The following TEX10 variants were observed in gnomAD, a reference collection of about 807,000 sequenced individuals.
The protein encoded by TEX10 is testis-expressed protein 10.
Under a neutral mutation model 104.4 loss-of-function variants are expected in TEX10, and 24 were observed. That is an observed-to-expected ratio of 0.23 (90% CI 0.17 to 0.32). The LOEUF is 0.32. Among genes scored for constraint, TEX10 ranks in the 10% least tolerant of loss-of-function variants. TEX10 has a pLI of 1.00. For synonymous variants in TEX10, 396 were observed against 393.4 expected, an observed-to-expected ratio of 1.01 and a Z score of -0.08; for missense variants, 921 against 1,083.9, an observed-to-expected ratio of 0.85 and a Z score of 2.11.
intron 8 of TEX10, among the ~76,000 whole-genome samples, chr9:100,327,036 C>A (rs948822382): frequency 6.6e-6 from 1 of 152,106 alleles, no homozygotes; most frequent in Admixed American, 6.6e-5. Flanking sequence ...TGTTACAACA[C>A]GGACAAATCT....
chr9:100,345,780 C>T (rs945017700), intron 4 of TEX10, among the ~76,000 whole-genome samples: 1 of 152,132 alleles, frequency 6.6e-6, no homozygotes, highest in South Asian at 2.1e-4. Flanking sequence ...CACAATCAAT[C>T]TGCCATAAAC....
At chr9:100,341,516 ATC>A (rs1257478632) in intron 4 of TEX10, among the ~76,000 whole-genome samples, 3 of 151,910 alleles carry the variant, frequency 2.0e-5, no homozygotes, top group African/African-American at 7.3e-5. Context: ...CACTGGCATC[ATC>A]CTTGACTCCT....
At chr9:100,341,517 T>A (rs62578359) in intron 4 of TEX10, among the ~76,000 whole-genome samples, 4 of 48,738 alleles carry the variant, frequency 8.2e-5, no homozygotes, top group East Asian at 0.013. Context: ...ACTGGCATCA[T>A]CCTTGACTCC....
At chr9:100,347,431 GATGT>G (rs767305741) in intron 2 of TEX10, 25 bp from the exon 3 acceptor site, 1 of 1,512,658 alleles carries the variant, frequency 6.6e-7, no homozygotes, top group South Asian at 1.3e-5. Context: ...ACAAATTTTA[GATGT>G]ATACTTATAT....
At position 100,316,511 on chromosome 9, in the gene TEX10, C is replaced by T. The variant is rs147993481; in HGVS notation, c.2202+3754G>A. 3.6e-3 allele frequency among the ~76,000 whole-genome samples: 550 copies of T among 152,112 alleles called. 3 individuals carry two copies. Among genetic ancestry groups the T allele is most frequent in the African/African-American group, 0.012 (515 of 41,476 alleles). ...TTTCATCATCCTATTCAACATAGTACGGGACGTCCTAGCCAGAGCAATCAG... is the reference window on the plus strand; with the variant it reads ...TTTCATCATCCTATTCAACATAGTATGGGACGTCCTAGCCAGAGCAATCAG... On this transcript the variant is annotated intron_variant, in intron 11 of 14. Transcript: ENST00000374902.
chr9:100,327,959 A>G lies in TEX10; in HGVS notation c.1629T>C (p.Tyr543=), dbSNP rs752124600. Residue 543 remains tyrosine (Y), a synonymous_variant, in exon 8 of 15, where the codon TAT becomes TAC. Transcript: ENST00000374902. The part of the protein sequence containing the change: ...TEELRSCRFR[Y]RSKVLSRWLA... ...GCCAACGGGATAACACTTTACTACG[A>G]TATCTTAGAAAGGCCAAAGAAGAAT... 10 of 1,548,664 alleles carry G rather than the reference A, an allele frequency of 6.5e-6. No individual in the cohort carries two copies. The highest frequency in any genetic ancestry group is 1.7e-5 in the Admixed American group (1 of 58,062).
chr9:100,342,567 ATTAAT>A (rs1835200429), intron 4 of TEX10, among the ~76,000 whole-genome samples: 2 of 152,226 alleles, frequency 1.3e-5, no homozygotes. Context: ...TTAAATTTTA[ATTAAT>A]TTAAGTAGCC....
intron 5 of TEX10, among the ~76,000 whole-genome samples, chr9:100,336,035 C>T (rs781412964): frequency 6.6e-5 from 10 of 151,636 alleles, no homozygotes; most frequent in African/African-American, 1.5e-4. Context: ...GGCATAGTGG[C>T]ACATGCCTAT....
Position 100,303,702 on chromosome 9 carries a change from T to C in TEX10, c.2606A>G (p.Gln869Arg). 6.2e-7 allele frequency: 1 copy of C among 1,614,132 alleles called. No homozygotes were observed. ...VVGQLLRLLL[Q>R]HAPLRTHMLT... Reference sequence around the variant, plus strand: ...CATATGAGTCCTGAGGGGTGCATGCTGAAGCAGCAGTCGAAGCAGCTGGCC... The same window carrying C: ...CATATGAGTCCTGAGGGGTGCATGCCGAAGCAGCAGTCGAAGCAGCTGGCC... Residue 869 changes from glutamine to arginine, a missense_variant, in exon 14 of 15, where the codon CAG (glutamine) becomes CGG (arginine). Gln to Arg is a conservative substitution (Grantham distance 43). Coordinates refer to ENST00000374902, the MANE Select transcript of TEX10 (RefSeq NM_017746.4).
chr9:100,303,560 T>G (rs779862335), intron 14 of TEX10, 72 bp downstream of exon 14: 16 of 1,508,850 alleles, frequency 1.1e-5, no homozygotes, highest in Non-Finnish European at 1.4e-5. Flanking sequence ...CAAAACACAC[T>G]TTCCCCCATG....
chr9:100,315,583 A>T (rs1834395534), intron 11 of TEX10, among the ~76,000 whole-genome samples: 1 of 152,192 alleles, frequency 6.6e-6, no homozygotes, highest in Admixed American at 6.5e-5. Flanking sequence ...TACCTGTAAA[A>T]GTATAGCTAC....
At chr9:100,304,082 C>T in intron 13 of TEX10, 1 of 550,356 alleles carries the variant, frequency 1.8e-6, no homozygotes, top group Non-Finnish European at 3.3e-6. Context: ...CAGAACACTG[C>T]TGAGAGAAAT....
At position 100,334,461 on chromosome 9, in the gene TEX10, C is replaced by T. The variant is rs189420635; in HGVS notation, c.1251-4292G>A. Among the ~76,000 whole-genome samples, 59 of 151,890 alleles carry T rather than the reference C, an allele frequency of 3.9e-4. No individual in the cohort carries two copies. The East Asian group carries it at 0.011, about 27-fold the overall frequency. Reference sequence around the variant, plus strand: ...ACATTTTTATGGGGGGAGAAAAAAACGAACTAAAGAAGACTCTAAATGATC... The same window carrying T: ...ACATTTTTATGGGGGGAGAAAAAAATGAACTAAAGAAGACTCTAAATGATC... On this transcript the variant is annotated intron_variant, in intron 5 of 14. Coordinates refer to ENST00000374902, the MANE Select transcript of TEX10 (RefSeq NM_017746.4).
chr9:100,308,751 T>G, intron 12 of TEX10, 70 bp from the exon 13 acceptor site: 1 of 1,347,860 alleles, frequency 7.4e-7, no homozygotes, highest in Non-Finnish European at 9.8e-7. Flanking sequence ...AACCAAAACC[T>G]GTTAATTCAC....
In TEX10 at chr9:100,308,515, T is replaced by C; in HGVS notation, c.2450A>G (p.Glu817Gly). 6.3e-7 allele frequency: 1 copy of C among 1,588,382 alleles called. No individual in the cohort carries two copies. The highest frequency in any genetic ancestry group is 8.5e-7 in the Non-Finnish European group (1 of 1,172,256). Reference sequence around the variant, plus strand: ...AAATAATTACCTCTTTCTTAGATGTTCTGCTTCCCCTTTCTCTATAGTGAG... The same window carrying C: ...AAATAATTACCTCTTTCTTAGATGTCCTGCTTCCCCTTTCTCTATAGTGAG... ...FLLTIEKGEA[E>G]HLRKRDKLWG... The change falls in exon 13 of 15, where the codon GAA becomes GGA. Residue 817 changes from glutamate (E) to glycine (G), a missense_variant. Coordinates refer to ENST00000374902, the MANE Select transcript of TEX10 (RefSeq NM_017746.4).
At chr9:100,319,912 C>A (rs1650737608) in intron 11 of TEX10, among the ~76,000 whole-genome samples, 3 of 152,156 alleles carry the variant, frequency 2.0e-5, no homozygotes, top group Admixed American at 6.5e-5. Flanking sequence ...CATAGTAATT[C>A]TTAAAACCAA....
chr9:100,307,126 A>T (rs1285553717), intron 13 of TEX10: 2 of 152,188 alleles, frequency 1.3e-5, no homozygotes, highest in Non-Finnish European at 1.5e-5. Flanking sequence ...GAAATACACA[A>T]TTTTTTTCTA....
At chr9:100,333,758 T>C (rs1265782690) in intron 5 of TEX10, among the ~76,000 whole-genome samples, 2 of 151,906 alleles carry the variant, frequency 1.3e-5, no homozygotes, top group African/African-American at 2.4e-5. Flanking sequence ...TAAGATGGTA[T>C]TGGTGAAACA....
chr9:100,342,933 G>A (rs2118923726), intron 4 of TEX10, among the ~76,000 whole-genome samples: 1 of 152,056 alleles, frequency 6.6e-6, no homozygotes, highest in South Asian at 2.1e-4. Context: ...AGATCACGAG[G>A]TCAGGAGATC....
Sources: gnomAD v4.1 joint callset for allele counts (sites outside exome capture counted in the v4.1 genomes callset) on GRCh38, gnomAD v4.1.1 for gene constraint, MANE v1.5 for transcripts, NCBI Gene and HGNC (gene_info 2026-07-23, HGNC 2026-07-21) for gene names.